Variants in PRKG1 observed in about 807,000 individuals in gnomAD.
PRKG1 encodes the protein protein kinase cGMP-dependent 1.
Under a neutral mutation model 88.1 loss-of-function variants are expected in PRKG1, and 35 were observed. The ratio of observed to expected loss-of-function variants is 0.40; its 90% confidence interval spans 0.30 to 0.53. The LOEUF (loss-of-function observed/expected upper bound fraction) is 0.53. Ranked by LOEUF, PRKG1 falls within the 20% of genes least tolerant of loss-of-function variation. The probability of loss-of-function intolerance (pLI) is 0.59; values close to 1 mark genes in which losing one functional copy is unlikely to be tolerated. For missense variants in PRKG1, 540 were observed against 839.8 expected (o/e 0.64, Z 4.41); for synonymous variants, 303 against 292.5 (o/e 1.04, Z -0.37).
intron 3 of PRKG1, among the ~76,000 whole-genome samples, chr10:51,622,934 T>C (rs1468539486): frequency 2.0e-5 from 3 of 152,214 alleles, no homozygotes; most frequent in African/African-American, 4.8e-5. Flanking sequence ...TTCTTCAAAG[T>C]AAAACTAATG....
chr10:52,085,946 A>G (rs1396896290), intron 7 of PRKG1, among the ~76,000 whole-genome samples: 1 of 152,118 alleles, frequency 6.6e-6, no homozygotes, highest in Non-Finnish European at 1.5e-5. Context: ...CTTCATTTGC[A>G]GTTTTTTCCC....
chr10:51,565,665 T>G (rs924028081), intron 3 of PRKG1, among the ~76,000 whole-genome samples: 1 of 152,136 alleles, frequency 6.6e-6, no homozygotes, highest in Non-Finnish European at 1.5e-5. Flanking sequence ...CCATTTTATC[T>G]AGCAGGTTCC....
intron 4 of PRKG1, among the ~76,000 whole-genome samples, chr10:51,854,780 A>G (rs536809819): frequency 6.6e-6 from 1 of 152,270 alleles, no homozygotes; most frequent in South Asian, 2.1e-4. Context: ...TTAAATTCTC[A>G]CTGTTTTAAA....
chr10:52,142,130 T>C (rs7921611), intron 8 of PRKG1, among the ~76,000 whole-genome samples: 150,692 of 152,226 alleles, frequency 0.99, 74,600 homozygotes, highest in Middle Eastern at 1. Context: ...AAAAACCTCT[T>C]TTCCGAATCC....
chr10:52,098,348 A>T (rs1847220579), intron 7 of PRKG1, among the ~76,000 whole-genome samples: 1 of 152,200 alleles, frequency 6.6e-6, no homozygotes, highest in Non-Finnish European at 1.5e-5. Context: ...GAGGTTTTAT[A>T]GGAGCGTAGT....
chr10:51,082,757 T>C (rs1046709854), intron 1 of PRKG1, among the ~76,000 whole-genome samples: 1 of 152,056 alleles, frequency 6.6e-6, no homozygotes. Context: ...GTAGACAAAT[T>C]GTACGTGTAG....
chr10:51,504,490 T>A (rs1379182747), intron 3 of PRKG1, among the ~76,000 whole-genome samples: 1 of 152,184 alleles, frequency 6.6e-6, no homozygotes, highest in African/African-American at 2.4e-5. Context: ...TAAAGTAGTT[T>A]TTTCCAATTC....
chr10:51,854,914 T>C (rs752422561), intron 4 of PRKG1, among the ~76,000 whole-genome samples: 27 of 152,088 alleles, frequency 1.8e-4, no homozygotes, highest in Non-Finnish European at 3.4e-4. Context: ...AGAGTGCATA[T>C]ATGTGGTTTA....
intron 2 of PRKG1, among the ~76,000 whole-genome samples, chr10:51,460,001 C>T (rs768132216): frequency 2.0e-5 from 3 of 152,030 alleles, no homozygotes; most frequent in Non-Finnish European, 4.4e-5. Flanking sequence ...TTTGTATGCT[C>T]ATGGATTTTT....
At chr10:51,387,259 T>G (rs965092296) in intron 2 of PRKG1, among the ~76,000 whole-genome samples, 4 of 151,452 alleles carry the variant, frequency 2.6e-5, no homozygotes, top group Non-Finnish European at 5.9e-5. Context: ...GGTCTGCACT[T>G]GGTTTAATGT....
At chr10:52,293,558 A>G (rs1027938921) in intron 17 of PRKG1, among the ~76,000 whole-genome samples, 1 of 152,136 alleles carries the variant, frequency 6.6e-6, no homozygotes, top group Non-Finnish European at 1.5e-5. Flanking sequence ...AGTTTATTAT[A>G]TAGAAAGATT....
At chr10:51,330,145 ATTTTTTATTTAT>A (rs1564449035) in intron 2 of PRKG1, among the ~76,000 whole-genome samples, 79 of 96,676 alleles carry the variant, frequency 8.2e-4, no homozygotes, top group East Asian at 3.4e-3. Flanking sequence ...TTATTTATTT[ATTTTTTATTTAT>A]TTTTTTTTTT....
chr10:52,103,986 ATGTG>A (rs142403838), intron 7 of PRKG1, among the ~76,000 whole-genome samples: 1 of 144,040 alleles, frequency 6.9e-6, no homozygotes, highest in African/African-American at 2.5e-5. Context: ...TTATGACTTC[ATGTG>A]TGTGTGTGTG....
intron 1 of PRKG1, among the ~76,000 whole-genome samples, chr10:51,110,148 A>T (rs1420430127): frequency 1.3e-5 from 2 of 152,056 alleles, no homozygotes; most frequent in African/African-American, 2.4e-5. Context: ...TTCTTTTTTT[A>T]AAAAAACTGT....
chr10:51,651,539 C>A (rs554728545), intron 3 of PRKG1, among the ~76,000 whole-genome samples: 3 of 151,952 alleles, frequency 2.0e-5, no homozygotes, highest in Admixed American at 6.6e-5. Context: ...ATTCTATTTC[C>A]CTCATATTTG....
chr10:51,075,901 G>A (rs537757455), intron 1 of PRKG1, among the ~76,000 whole-genome samples: 103 of 152,280 alleles, frequency 6.8e-4, no homozygotes, highest in Middle Eastern at 3.4e-3. Context: ...GCACCCAAAA[G>A]AACGGCATTT....
rs577638610 is a variant in PRKG1 at position 51,629,612 on chromosome 10, C to G, written c.592+161776C>G. The stretch of plus-strand genomic sequence containing the variant: ...CTTTTCAGTGCTTTTGTGGCAAACT[C>G]AGGATATTCCATCTTGATTTTAATT... On this transcript the variant is annotated intron_variant, in intron 3 of 17. Coordinates refer to ENST00000373980, the MANE Select transcript of PRKG1 (RefSeq NM_006258.4). 1.4e-4 allele frequency among the ~76,000 whole-genome samples: 22 copies of G among 152,194 alleles called. No homozygotes were observed. In the South Asian group the frequency reaches 3.7e-3, roughly 26 times the overall value.
intron 10 of PRKG1, among the ~76,000 whole-genome samples, chr10:52,268,644 T>A (rs570307493): frequency 7.2e-5 from 11 of 152,144 alleles, no homozygotes; most frequent in African/African-American, 2.4e-4. Context: ...ATTGGTTTTG[T>A]ATTCAGCTGA....
rs541504921 is a variant in PRKG1 at position 51,588,213 on chromosome 10, AT to A, written c.592+120386del. On this transcript the variant is annotated intron_variant, in intron 3 of 17. Coordinates refer to ENST00000373980, the MANE Select transcript of PRKG1 (RefSeq NM_006258.4). ...CCCAGGCATTGAGTATACAGTGCAC[AT>A]TTTTTTTTAGCATCATCACACTTTG... 4.9e-3 allele frequency among the ~76,000 whole-genome samples: 745 copies of A among 151,224 alleles called. 8 individuals carry two copies. The highest frequency in any genetic ancestry group is 0.016 in the African/African-American group (674 of 41,364).
Sources: allele counts gnomAD v4.1 joint callset (sites outside exome capture counted in the v4.1 genomes callset), GRCh38; gene constraint gnomAD v4.1.1; transcripts MANE v1.5; gene names NCBI Gene and HGNC (gene_info 2026-07-23, HGNC 2026-07-21).